TCEAL9: variants seen among roughly 807,000 people sequenced by gnomAD.
The protein encoded by TCEAL9 is transcription elongation factor A protein-like 9.
TCEAL9 carries 2 observed loss-of-function variants against 5.2 expected under a neutral mutation model. The observed-to-expected ratio is 0.38, with a 90% CI of 0.16 to 1.21. The LOEUF (loss-of-function observed/expected upper bound fraction) is 1.21. Ranked by LOEUF, TCEAL9 falls within the 50% of genes most tolerant of loss-of-function variation. TCEAL9 has a pLI of 0.35. For missense variants in TCEAL9, 76 were observed against 74.2 expected (o/e 1.02, Z -0.09); for synonymous variants, 26 against 22.3 (o/e 1.17, Z -0.47).
chrX:103,358,241 GA>G lies in TCEAL9; in HGVS notation c.*247del. ...GAGGTTCTTGGTAAGATATAAAATG[GA>G]AAAAGGCTAAGTAATATGTGAATAT... is the stretch of plus-strand genomic sequence containing the variant. On this transcript the variant is annotated 3_prime_UTR_variant, in exon 3 of 3. Coordinates refer to ENST00000372661, the MANE Select transcript of TCEAL9 (RefSeq NM_016303.3). The G allele has an allele frequency of 3.7e-6, 1 of 273,810 alleles. No individual in the cohort carries two copies. 22.6% of individuals were successfully genotyped at this position (273,810 alleles called of 1,213,427 possible).
At chrX:103,357,437 G>A in intron 2 of TCEAL9, 178 bp from the exon 3 acceptor site, 1 of 323,461 alleles carries the variant, frequency 3.1e-6, no homozygotes, top group Non-Finnish European at 5.3e-6. Context: ...AAGTGAGGAG[G>A]TGGAAAGTGG....
chrX:103,357,318 C>T (rs1385913185), intron 2 of TCEAL9, 157 bp downstream of exon 2: 1 of 124,469 alleles, frequency 8.0e-6, no homozygotes, highest in East Asian at 2.3e-4. Context: ...CCACCTTTCT[C>T]TTTTCTGGCC....
chrX:103,357,783 G>A lies in TCEAL9; in HGVS notation c.99G>A (p.Glu33=). The change falls in exon 3 of 3, where the codon GAG becomes GAA. Residue 33 remains glutamate (E), a synonymous_variant. Coordinates refer to ENST00000372661, the MANE Select transcript of TCEAL9 (RefSeq NM_016303.3). ...CTGAGGAAAAGCCAGAAGAGGAGGA[G>A]AAGCTAGAGGAGGAGGCCAAAGCAA... is the stretch of plus-strand genomic sequence containing the variant. ...PKPEEKPEEE[E]KLEEEAKAKG... The A allele has an allele frequency of 8.3e-7, 1 of 1,211,614 alleles. No individual in the cohort carries two copies. Among genetic ancestry groups the A allele is most frequent in the Non-Finnish European group, 1.1e-6 (1 of 895,519 alleles).
At chrX:103,356,631 T>A (rs1399034867) in intron 1 of TCEAL9, 25 bp downstream of exon 1, 1 of 110,348 alleles carries the variant, frequency 9.1e-6, no homozygotes, top group East Asian at 2.9e-4. Flanking sequence ...AGGTGTTGAC[T>A]GGGGATTTCT....
At chrX:103,357,299 G>T in intron 2 of TCEAL9, 138 bp downstream of exon 2, 1 of 122,290 alleles carries the variant, frequency 8.2e-6, no homozygotes. Context: ...CTCTTCCTCT[G>T]CCTGCCAGCC....
rs767184330 is a variant in TCEAL9 at position 103,357,709 on chromosome X, G to A, written c.25G>A (p.Gly9Arg). 2.5e-6 allele frequency: 3 copies of A among 1,206,453 alleles called. No individual in the cohort carries two copies. The Admixed American group carries it at 6.7e-5, about 27-fold the overall frequency. MKSCQKME[G>R]KPENESEPKH... ...GATGAAATCCTGTCAAAAAATGGAA[G>A]GAAAACCAGAAAATGAGAGTGAACC... The change falls in exon 3 of 3, where the codon GGA becomes AGA. Residue 9 changes from glycine to arginine, a missense_variant. Gly to Arg is a moderately radical substitution (Grantham distance 125). Coordinates refer to ENST00000372661, the MANE Select transcript of TCEAL9 (RefSeq NM_016303.3).
intron 2 of TCEAL9, 83 bp downstream of exon 2, chrX:103,357,244 C>G (rs1413003414): frequency 1.7e-5 from 2 of 118,375 alleles, no homozygotes; most frequent in African/African-American, 3.3e-5. Flanking sequence ...TCCCTTCCAC[C>G]CCACCCCTTT....
At position 103,357,918 on chromosome X, in the gene TCEAL9, T is replaced by C. The variant is rs772929394; in HGVS notation, c.234T>C (p.Asp78=). Residue 78 remains aspartate, a synonymous_variant, in exon 3 of 3, where the codon GAT becomes GAC. Transcript: ENST00000372661. ...EDMFREVDEI[D]EIRRVRNKLI... Reference sequence around the variant, plus strand: ...TGTTTAGAGAAGTGGATGAAATAGATGAGATAAGGAGAGTCAGAAACAAAC... The same window carrying C: ...TGTTTAGAGAAGTGGATGAAATAGACGAGATAAGGAGAGTCAGAAACAAAC... The C allele has an allele frequency of 5.8e-6, 7 of 1,211,952 alleles. No homozygotes were observed. The highest frequency in any genetic ancestry group is 2.2e-5 in the Admixed American group (1 of 46,075).
chrX:103,357,662 G>A lies in TCEAL9; in HGVS notation c.-23G>A, dbSNP rs1926908567. On this transcript the variant is annotated 5_prime_UTR_variant, in exon 3 of 3. Transcript: ENST00000372661. Reference sequence around the variant, plus strand: ...ATAAGCAAGAAAGAAAAGAAGGAAGGAAGAGAGGTAGACAGATACAAGATG... The same window carrying A: ...ATAAGCAAGAAAGAAAAGAAGGAAGAAAGAGAGGTAGACAGATACAAGATG... 2.6e-6 allele frequency: 3 copies of A among 1,164,800 alleles called. No homozygotes were observed. The highest frequency in any genetic ancestry group is 3.6e-5 in the African/African-American group (2 of 54,846).
Position 103,358,035 on chromosome X carries a change from T to C in TCEAL9, c.*36T>C, listed in dbSNP as rs368466611. 1.3e-4 allele frequency: 149 copies of C among 1,108,925 alleles called. No individual in the cohort carries two copies. Among genetic ancestry groups the C allele is most frequent in the Non-Finnish European group, 1.7e-4 (137 of 830,273 alleles). The allele number at this position is 1,108,925 out of a possible 1,213,427, so 91.4% of individuals were successfully genotyped here. A position where few individuals can be genotyped will look rare whatever the true frequency, so the allele number is the denominator to read the frequency against. On this transcript the variant is annotated 3_prime_UTR_variant, in exon 3 of 3. Transcript: ENST00000372661. ...TTTTTATCTGATATTAACAATACCA[T>C]ATAGCTTGCTTTTTATTAGCATTTC...
In TCEAL9 at chrX:103,358,163, C is replaced by G; in HGVS notation, c.*164C>G. ...TCTCATTGTTTATTGTATTTTGAACCAATCTACAAGTCTCTGTCTTTTAAT... is the reference window on the plus strand; with the variant it reads ...TCTCATTGTTTATTGTATTTTGAACGAATCTACAAGTCTCTGTCTTTTAAT... On this transcript the variant is annotated 3_prime_UTR_variant, in exon 3 of 3. Transcript: ENST00000372661. 1 of 424,468 alleles carries G rather than the reference C, an allele frequency of 2.4e-6. No homozygotes were observed. The highest frequency in any genetic ancestry group is 5.0e-5 in the Admixed American group (1 of 20,020). 35.0% of individuals were successfully genotyped at this position (424,468 alleles called of 1,213,427 possible).
intron 1 of TCEAL9, 187 bp from the exon 2 acceptor site, chrX:103,356,896 C>CT (rs1926883818): frequency 9.0e-6 from 1 of 111,585 alleles, no homozygotes; most frequent in Admixed American, 9.5e-5. Context: ...CTTTCTCACT[C>CT]TTTGTCTGAT....
Position 103,358,093 on chromosome X carries a change from A to G in TCEAL9, c.*94A>G. On this transcript the variant is annotated 3_prime_UTR_variant, in exon 3 of 3. Transcript: ENST00000372661. ...TCCTTTGTCCATATTTCTACTTATAACCTGTTGCTATTAATGGTTTTAGAT... is the reference window on the plus strand; with the variant it reads ...TCCTTTGTCCATATTTCTACTTATAGCCTGTTGCTATTAATGGTTTTAGAT... 1 of 797,791 alleles carries G rather than the reference A, an allele frequency of 1.3e-6. No individual in the cohort carries two copies. The highest frequency in any genetic ancestry group is 1.7e-6 in the Non-Finnish European group (1 of 572,188). 65.7% of individuals were successfully genotyped at this position (797,791 alleles called of 1,213,427 possible).
rs1301889229 is a variant in TCEAL9, at chrX:103,357,369, G to A, written c.-71+208G>A. 24 of 177,204 alleles carry A rather than the reference G, an allele frequency of 1.4e-4. No individual in the cohort carries two copies. In the Admixed American group the frequency reaches 1.7e-3, roughly 13 times the overall value. 14.6% of individuals were successfully genotyped at this position (177,204 alleles called of 1,213,427 possible). On this transcript the variant is annotated intron_variant, in intron 2 of 2. Coordinates refer to ENST00000372661, the MANE Select transcript of TCEAL9 (RefSeq NM_016303.3). ...GCCCTATGGGGGAAAAAGGTCTGGG[G>A]AGGGCTGGACGGCGGAAAGGAGGGC...
Position 103,356,521 on chromosome X carries a change from CCCGTCTGGAT to C in TCEAL9, c.-234_-225del, listed in dbSNP as rs1926871918. On this transcript the variant is annotated 5_prime_UTR_variant, in exon 1 of 3. Transcript: ENST00000372661. ...AAGTCCTGGTAATCTGGTCCTTGTT[CCCGTCTGGAT>C]ACCAGCTTCCTTCAGCAGCGCAGGC... is the stretch of plus-strand genomic sequence containing the variant. The C allele has an allele frequency of 9.0e-6, 1 of 111,162 alleles. No homozygotes were observed. Among genetic ancestry groups the C allele is most frequent in the African/African-American group, 3.3e-5 (1 of 30,402 alleles). 9.2% of individuals were successfully genotyped at this position (111,162 alleles called of 1,213,427 possible).
chrX:103,357,597 C>T lies in TCEAL9; in HGVS notation c.-70-18C>T. ...ACTCACCAAGTCTTTAACTTACTGT[C>T]TTCTTTTTGCTTTCTAGAAGTCATT... is the stretch of plus-strand genomic sequence containing the variant. On this transcript the variant is annotated intron_variant, in intron 2 of 2. Transcript: ENST00000372661. 1 of 1,084,595 alleles carries T rather than the reference C, an allele frequency of 9.2e-7. No individual in the cohort carries two copies. Among genetic ancestry groups the T allele is most frequent in the Non-Finnish European group, 1.2e-6 (1 of 827,431 alleles). The allele number at this position is 1,084,595 out of a possible 1,213,427, so 89.4% of individuals were successfully genotyped here. A position where few individuals can be genotyped will look rare whatever the true frequency, so the allele number is the denominator to read the frequency against.
chrX:103,357,864 A>G lies in TCEAL9; in HGVS notation c.180A>G (p.Ile60Met). The change falls in exon 3 of 3, where the codon ATA becomes ATG. Residue 60 changes from isoleucine (I) to methionine (M), a missense_variant. Transcript: ENST00000372661. ...IQSLQEFKED[I>M]HNRHLSNEDM... The stretch of plus-strand genomic sequence containing the variant: ...CTCTCCAGGAGTTTAAAGAAGATAT[A>G]CACAACAGGCATTTAAGCAATGAAG... 1 of 1,212,024 alleles carries G rather than the reference A, an allele frequency of 8.3e-7. No individual in the cohort carries two copies. Among genetic ancestry groups the G allele is most frequent in the Non-Finnish European group, 1.1e-6 (1 of 895,602 alleles).
At chrX:103,357,010 C>T (rs1232252668) in intron 1 of TCEAL9, 73 bp from the exon 2 acceptor site, 1 of 111,124 alleles carries the variant, frequency 9.0e-6, no homozygotes, top group Non-Finnish European at 1.9e-5. Flanking sequence ...AGGAAAGCTA[C>T]GTGTGTCAGT....
Position 103,357,680 on chromosome X carries a change from A to G in TCEAL9, c.-5A>G, listed in dbSNP as rs777129003. Reference sequence around the variant, plus strand: ...AAGGAAGGAAGAGAGGTAGACAGATACAAGATGAAATCCTGTCAAAAAATG... The same window carrying G: ...AAGGAAGGAAGAGAGGTAGACAGATGCAAGATGAAATCCTGTCAAAAAATG... On this transcript the variant is annotated 5_prime_UTR_variant, in exon 3 of 3. It adds an upstream start codon to the 5' untranslated region. Transcript: ENST00000372661. 2.5e-5 allele frequency: 30 copies of G among 1,195,817 alleles called. No homozygotes were observed. Among genetic ancestry groups the G allele is most frequent in the Non-Finnish European group, 3.4e-5 (30 of 888,555 alleles).
Sources: allele counts gnomAD v4.1 joint callset, GRCh38; gene constraint gnomAD v4.1.1; transcripts MANE v1.5; gene names NCBI Gene and HGNC (gene_info 2026-07-23, HGNC 2026-07-21).